Variants in USP34 observed in about 807,000 individuals in gnomAD.
USP34 encodes ubiquitin specific peptidase 34.
USP34 carries 70 observed loss-of-function variants against 460.3 expected under a neutral mutation model. That is an observed-to-expected ratio of 0.15 (90% confidence interval 0.13 to 0.19). The LOEUF (loss-of-function observed/expected upper bound fraction) is 0.19, where lower values mean the gene tolerates loss of function less well. Ranked by LOEUF, USP34 falls within the 10% of genes least tolerant of loss-of-function variation. The probability of loss-of-function intolerance (pLI) is 1.00; values close to 1 mark genes in which losing one functional copy is unlikely to be tolerated. For missense variants in USP34, 3,985 were observed against 4,236.2 expected (o/e 0.94, Z 1.65); for synonymous variants, 1,647 against 1,405.3 (o/e 1.17, Z -3.85).
intron 75 of USP34, among the ~76,000 whole-genome samples, chr2:61,194,951 CAAAAA>C (rs59097382): frequency 1.5e-4 from 19 of 126,212 alleles, no homozygotes; most frequent in East Asian, 4.6e-4. Flanking sequence ...GAAACTCTGT[CAAAAA>C]AAAAAAAAAA....
At chr2:61,447,923 C>T (rs190022699) in intron 1 of USP34, among the ~76,000 whole-genome samples, 169 of 152,262 alleles carry the variant, frequency 1.1e-3, no homozygotes, top group Non-Finnish European at 2.1e-3. Context: ...ACCATGTTGG[C>T]CAGGCTGTTC....
intron 32 of USP34, among the ~76,000 whole-genome samples, chr2:61,293,886 G>A (rs1689936574): frequency 6.6e-6 from 1 of 152,034 alleles, no homozygotes; most frequent in African/African-American, 2.4e-5. Context: ...ATGGTGGCTG[G>A]TGCCTATAGT....
In USP34 at chr2:61,273,016, A is replaced by C. The variant is rs548552136; in HGVS notation, c.5433+5149T>G. Among the ~76,000 whole-genome samples, 9 of 152,342 alleles carry C rather than the reference A, an allele frequency of 5.9e-5. No individual in the cohort carries two copies. The East Asian group carries it at 1.7e-3, about 29-fold the overall frequency. Reference sequence around the variant, plus strand: ...AACTGAAAACAGTCTACCAACAATAAGTCAATTTCAGATGGCCTGCAACAA... The same window carrying C: ...AACTGAAAACAGTCTACCAACAATACGTCAATTTCAGATGGCCTGCAACAA... On this transcript the variant is annotated intron_variant, in intron 41 of 79. Transcript: ENST00000398571.
At chr2:61,360,182 A>C (rs536715667) in intron 10 of USP34, among the ~76,000 whole-genome samples, 21 of 152,238 alleles carry the variant, frequency 1.4e-4, no homozygotes, top group African/African-American at 4.8e-4. Flanking sequence ...ACTCCTATTC[A>C]ATTTAATACT....
At chr2:61,250,702 T>C (rs566108985) in intron 48 of USP34, 30 of 152,902 alleles carry the variant, frequency 2.0e-4, no homozygotes, top group African/African-American at 7.0e-4. Flanking sequence ...AGAGCTGTTA[T>C]GATCCTTGTA....
intron 8 of USP34, among the ~76,000 whole-genome samples, chr2:61,372,411 T>A (rs1558555858): frequency 6.6e-6 from 1 of 152,188 alleles, no homozygotes; most frequent in South Asian, 2.1e-4. Context: ...ATTCCACTAT[T>A]ATTTAAGTCT....
chr2:61,315,374 ATT>A (rs776500310), intron 23 of USP34, among the ~76,000 whole-genome samples: 3 of 144,036 alleles, frequency 2.1e-5, no homozygotes, highest in African/African-American at 2.5e-5. Context: ...TTCTCACCCA[ATT>A]TTTTTTTTTT....
intron 44 of USP34, among the ~76,000 whole-genome samples, chr2:61,258,745 G>T (rs1688790771): frequency 6.6e-6 from 1 of 152,120 alleles, no homozygotes; most frequent in Non-Finnish European, 1.5e-5. Context: ...GAATAATATT[G>T]TAAGATTTAC....
intron 48 of USP34, among the ~76,000 whole-genome samples, chr2:61,251,938 GGTT>G (rs968634938): frequency 6.6e-6 from 1 of 151,234 alleles, no homozygotes; most frequent in African/African-American, 2.4e-5. Context: ...TACTCAATTC[GGTT>G]GTTAAATAAA....
chr2:61,194,222 G>A (rs1201188706), intron 75 of USP34: 1 of 985,222 alleles, frequency 1.0e-6, no homozygotes, highest in African/African-American at 1.7e-5. Flanking sequence ...GTCAAGATGA[G>A]TCCCTTTAGA....
intron 25 of USP34, among the ~76,000 whole-genome samples, chr2:61,314,316 TTCTG>T (rs1475713548): frequency 2.0e-5 from 3 of 152,164 alleles, no homozygotes; most frequent in Non-Finnish European, 2.9e-5. Context: ...AGAGATGGAA[TTCTG>T]TCTAACAATT....
chr2:61,319,168 A>G lies in USP34; in HGVS notation c.3168+5T>C, dbSNP rs1451256697. ...ATAATAACAAACTGAGAGAAATGTA[A>G]TTACCTTCTCCAGGAAAAGATGTTT... On this transcript the variant is annotated splice_donor_5th_base_variant and intron_variant, in intron 22 of 79. Transcript: ENST00000398571. 2 of 1,552,510 alleles carry G rather than the reference A, an allele frequency of 1.3e-6. No homozygotes were observed. Among genetic ancestry groups the G allele is most frequent in the East Asian group, 2.4e-5 (1 of 41,574 alleles).
chr2:61,277,447 G>C (rs1214608498), intron 41 of USP34, among the ~76,000 whole-genome samples: 1 of 151,930 alleles, frequency 6.6e-6, no homozygotes, highest in Non-Finnish European at 1.5e-5. Flanking sequence ...ATGTTGCCTT[G>C]GCTGGTCTCG....
intron 41 of USP34, among the ~76,000 whole-genome samples, chr2:61,275,279 A>T (rs1300483590): frequency 1.3e-5 from 2 of 152,092 alleles, no homozygotes; most frequent in African/African-American, 4.8e-5. Flanking sequence ...ACCCCGTCTC[A>T]AAGATAATAA....
chr2:61,288,949 TAAA>T (rs1689770226), intron 33 of USP34, 72 bp from the exon 34 acceptor site: 1 of 1,474,820 alleles, frequency 6.8e-7, no homozygotes, highest in Non-Finnish European at 9.3e-7. Context: ...ATTTTGAAAT[TAAA>T]AGACCAGAAA....
intron 5 of USP34, among the ~76,000 whole-genome samples, chr2:61,391,033 T>C (rs1251203916): frequency 6.6e-6 from 1 of 151,584 alleles, no homozygotes; most frequent in Non-Finnish European, 1.5e-5. Flanking sequence ...AGGCGGAGGC[T>C]GAGGTGAGCA....
intron 5 of USP34, among the ~76,000 whole-genome samples, chr2:61,387,865 T>C (rs1693211144): frequency 6.7e-6 from 1 of 149,440 alleles, no homozygotes; most frequent in Admixed American, 6.7e-5. Context: ...AAATATATAT[T>C]TTTACGTATA....
rs761771577 is a variant in USP34, at chr2:61,236,217, T to C, written c.6862A>G (p.Ser2288Gly). Reference sequence around the variant, plus strand: ...TCTGGTAATGTACTGGGAATACAACTACACAATTGCCACATAAATCTAGAA... The same window carrying C: ...TCTGGTAATGTACTGGGAATACAACCACACAATTGCCACATAAATCTAGAA... ...TYFGFMWQLC[S>G]CIPSTLPDPK... is the part of the protein sequence containing the mutation. The change falls in exon 55 of 80, where the codon AGT becomes GGT. Residue 2288 changes from serine (S) to glycine (G), a missense_variant. Transcript: ENST00000398571. The C allele has an allele frequency of 1.2e-5, 20 of 1,611,062 alleles. No homozygotes were observed. The highest frequency in any genetic ancestry group is 1.7e-5 in the Non-Finnish European group (20 of 1,178,888).
chr2:61,229,215 AAAAC>A (rs1687813872), intron 59 of USP34, among the ~76,000 whole-genome samples: 1 of 151,492 alleles, frequency 6.6e-6, no homozygotes, highest in Non-Finnish European at 1.5e-5. Context: ...AAATTTAAAT[AAAAC>A]AAAAACAGTT....
Sources: allele counts gnomAD v4.1 joint callset (sites outside exome capture counted in the v4.1 genomes callset), GRCh38; gene constraint gnomAD v4.1.1; transcripts MANE v1.5; gene names NCBI Gene and HGNC (gene_info 2026-07-23, HGNC 2026-07-21).